CDK12: variants seen among roughly 807,000 people sequenced by gnomAD.
The protein encoded by CDK12 is cyclin-dependent kinase 12.
A neutral mutation model predicts 133.8 loss-of-function variants in CDK12; 17 were observed. That is an observed-to-expected ratio of 0.13 (90% CI 0.09 to 0.19). The LOEUF is 0.19. CDK12 is among the 10% of genes least tolerant of loss of function. The pLI is 1.00. For synonymous variants in CDK12, 694 were observed against 683.6 expected, an observed-to-expected ratio of 1.02 and a Z score of -0.24; for missense variants, 1,508 against 1,818.7, an observed-to-expected ratio of 0.83 and a Z score of 3.11.
chr17:39,500,323 G>A (rs140000680), intron 5 of CDK12, among the ~76,000 whole-genome samples: 3 of 151,052 alleles, frequency 2.0e-5, no homozygotes, highest in African/African-American at 4.9e-5. Context: ...AGAATGAGAC[G>A]CTGTCTCAAA....
intron 4 of CDK12, among the ~76,000 whole-genome samples, chr17:39,493,153 T>A (rs1456462768): frequency 7.2e-6 from 1 of 138,858 alleles, no homozygotes; most frequent in Admixed American, 7.8e-5. Flanking sequence ...GCAACCACAC[T>A]CGACTAATTT....
At chr17:39,523,343 CG>C (rs1216798454) in intron 11 of CDK12, among the ~76,000 whole-genome samples, 1 of 151,888 alleles carries the variant, frequency 6.6e-6, no homozygotes, top group African/African-American at 2.4e-5. Context: ...GGCGTAGTGG[CG>C]TGTACCTGTA....
In CDK12 at chr17:39,533,692, A is replaced by AGTGTAT. The variant is rs1345936553; in HGVS notation, c.*2385_*2390dup. 3.9e-5 allele frequency: 9 copies of AGTGTAT among 232,664 alleles called. No individual in the cohort carries two copies. Among genetic ancestry groups the AGTGTAT allele is most frequent in the Non-Finnish European group, 7.6e-5 (9 of 117,800 alleles). The allele number at this position is 232,664 out of a possible 1,614,324, so 14.4% of individuals were successfully genotyped here. On this transcript the variant is annotated 3_prime_UTR_variant, in exon 14 of 14. Transcript: ENST00000447079. The stretch of plus-strand genomic sequence containing the variant: ...AGGGAAGGGGGTGAGTGTATGTGTG[A>AGTGTAT]GTGTATGTGTATGTATGATCCCATC...
At chr17:39,544,467 T>G (rs1015966043), upstream of CDK12, 1 of 295,072 alleles carries the variant, frequency 3.4e-6, no homozygotes, top group Non-Finnish European at 6.8e-6. Context: ...TTTCTTTCTT[T>G]TTTTTTTCTT....
intron 1 of CDK12, among the ~76,000 whole-genome samples, chr17:39,464,530 C>T (rs1202969507): frequency 1.3e-5 from 2 of 151,652 alleles, no homozygotes; most frequent in Admixed American, 1.3e-4. Flanking sequence ...ACGCCTGGCT[C>T]ATGCATGGCT....
At chr17:39,480,951 T>C (rs1294467312) in intron 2 of CDK12, among the ~76,000 whole-genome samples, 1 of 152,160 alleles carries the variant, frequency 6.6e-6, no homozygotes, top group East Asian at 1.9e-4. Flanking sequence ...TGTATACTTT[T>C]CTTAGAAATT....
At position 39,494,151 on chromosome 17, in the gene CDK12, G is replaced by T. The variant is rs544699469; in HGVS notation, c.2249-373G>T. 5.3e-5 allele frequency among the ~76,000 whole-genome samples: 8 copies of T among 152,046 alleles called. No individual in the cohort carries two copies. The East Asian group carries it at 1.2e-3, about 22-fold the overall frequency. On this transcript the variant is annotated intron_variant, in intron 4 of 13. Coordinates refer to ENST00000447079, the MANE Select transcript of CDK12 (RefSeq NM_016507.4). The stretch of plus-strand genomic sequence containing the variant: ...CAGCTCACTGCAACCTCTGCTCACC[G>T]CAACCTCTGCCTCCCGGGTTCAAGC...
intron 8 of CDK12, among the ~76,000 whole-genome samples, chr17:39,515,125 T>C (rs765469821): frequency 2.6e-5 from 4 of 152,142 alleles, no homozygotes; most frequent in Non-Finnish European, 5.9e-5. Context: ...AGGCAGAGAA[T>C]CACTTGAACC....
chr17:39,544,173 G>T, upstream of CDK12: 1 of 474,740 alleles, frequency 2.1e-6, no homozygotes. Flanking sequence ...TGCTTCCTGG[G>T]TGCAAGACCA....
intron 6 of CDK12, among the ~76,000 whole-genome samples, chr17:39,504,137 C>T (rs1326042452): frequency 6.6e-6 from 1 of 152,130 alleles, no homozygotes; most frequent in African/African-American, 2.4e-5. Flanking sequence ...GAAAAACTAG[C>T]TAGATGGGTG....
At chr17:39,479,308 G>GAAAAA (rs34077108) in intron 2 of CDK12, among the ~76,000 whole-genome samples, 1 of 100,424 alleles carries the variant, frequency 1.0e-5, no homozygotes, top group Non-Finnish European at 1.9e-5. Flanking sequence ...GACTCCGTCT[G>GAAAAA]AAAAAAAAAA....
downstream of CDK12, among the ~76,000 whole-genome samples, chr17:39,537,823 A>G (rs537057748): frequency 6.6e-6 from 1 of 152,130 alleles, no homozygotes. Flanking sequence ...CGGCCTCCCA[A>G]AGTGCTCGGC....
At chr17:39,562,179 C>A (rs1470531529) in intron 3 of CDK12, among the ~76,000 whole-genome samples, 2 of 152,122 alleles carry the variant, frequency 1.3e-5, no homozygotes, top group African/African-American at 2.4e-5. Flanking sequence ...ACCTCGTGAT[C>A]CACCCGCCTC....
downstream of CDK12, chr17:39,534,838 A>G (rs923382086): frequency 1.2e-4 from 18 of 155,956 alleles, no homozygotes; most frequent in Non-Finnish European, 1.8e-4. Flanking sequence ...GTTGAGCTTC[A>G]TGTACCCTGA....
downstream of CDK12, among the ~76,000 whole-genome samples, chr17:39,565,355 C>A (rs2056533375): frequency 6.6e-6 from 1 of 152,004 alleles, no homozygotes; most frequent in Non-Finnish European, 1.5e-5. Flanking sequence ...ACCTTGTGAT[C>A]CGCCCACCTC....
intron 6 of CDK12, among the ~76,000 whole-genome samples, chr17:39,504,933 C>G (rs2052995549): frequency 7.5e-6 from 1 of 133,296 alleles, no homozygotes; most frequent in Admixed American, 7.8e-5. Context: ...AAAAAGGGAG[C>G]AGTTGAAGAT....
chr17:39,501,947 C>T (rs979908098), intron 6 of CDK12, among the ~76,000 whole-genome samples: 7 of 150,718 alleles, frequency 4.6e-5, no homozygotes, highest in African/African-American at 1.5e-4. Context: ...CAGGTTCAAG[C>T]GATTCTCCTG....
chr17:39,467,846 A>G (rs916916005), intron 1 of CDK12, among the ~76,000 whole-genome samples: 3 of 151,428 alleles, frequency 2.0e-5, no homozygotes, highest in African/African-American at 7.3e-5. Context: ...TCTCATGTTC[A>G]TGTTTGCGTT....
In CDK12 at chr17:39,480,642, C is replaced by T. The variant is rs1040153707; in HGVS notation, c.1931+8879C>T. On this transcript the variant is annotated intron_variant, in intron 2 of 13. Transcript: ENST00000447079. ...TTCACCACGTTGGCCAGGCTGATCT[C>T]GAACCTCTGACCTCAAGTGATCCAC... Among the ~76,000 whole-genome samples, 46 of 152,022 alleles carry T rather than the reference C, an allele frequency of 3.0e-4. 1 individual carries two copies. Among genetic ancestry groups the T allele is most frequent in the African/African-American group, 1.0e-3 (43 of 41,488 alleles).
Sources: allele counts gnomAD v4.1 joint callset (sites outside exome capture counted in the v4.1 genomes callset), GRCh38; gene constraint gnomAD v4.1.1; transcripts MANE v1.5; gene names NCBI Gene and HGNC (gene_info 2026-07-23, HGNC 2026-07-21).